Variants in ADAMTSL1 observed in about 807,000 individuals in gnomAD.
The protein encoded by ADAMTSL1 is ADAMTS like 1, also known as ADAMTS-like protein 1.
Under a neutral mutation model 201.8 loss-of-function variants are expected in ADAMTSL1, and 126 were observed. The observed-to-expected ratio is 0.62, with a 90% CI of 0.54 to 0.72. The LOEUF is 0.72. Ranked by LOEUF, ADAMTSL1 falls within the 30% of genes least tolerant of loss-of-function variation. ADAMTSL1 has a pLI of 0.00. For missense variants in ADAMTSL1, 2,679 were observed against 2,277.8 expected, an observed-to-expected ratio of 1.18 and a Z score of -3.59; for synonymous variants, 1,121 against 903.4, an observed-to-expected ratio of 1.24 and a Z score of -4.32.
intron 2 of ADAMTSL1, among the ~76,000 whole-genome samples, chr9:18,406,155 G>A (rs953210687): frequency 2.6e-5 from 4 of 152,252 alleles, no homozygotes; most frequent in African/African-American, 9.6e-5. Flanking sequence ...GGTCTACAGA[G>A]CAATCTAGTT....
chr9:18,857,647 T>C (rs114089000), intron 23 of ADAMTSL1, among the ~76,000 whole-genome samples: 1 of 152,206 alleles, frequency 6.6e-6, no homozygotes, highest in Non-Finnish European at 1.5e-5. Context: ...CCTTTTCCAT[T>C]GCAGAAGTTA....
chr9:17,940,236 T>C (rs1046254097), intron 1 of ADAMTSL1, among the ~76,000 whole-genome samples: 2 of 152,106 alleles, frequency 1.3e-5, no homozygotes, highest in Admixed American at 1.3e-4. Context: ...GTTTTTGAGA[T>C]TGTAACCTTT....
In ADAMTSL1 at chr9:18,847,328, G is replaced by T. The variant is rs568065837; in HGVS notation, c.4249+17351G>T. On this transcript the variant is annotated intron_variant, in intron 23 of 28. Coordinates refer to ENST00000380548, the MANE Select transcript of ADAMTSL1 (RefSeq NM_001040272.6). Reference sequence around the variant, plus strand: ...GATGAGGCAAAGTATTCCATGCACTGATACAACAGACACACTTACTGAGTT... The same window carrying T: ...GATGAGGCAAAGTATTCCATGCACTTATACAACAGACACACTTACTGAGTT... Among the ~76,000 whole-genome samples the T allele has an allele frequency of 9.6e-3, 1,463 of 152,272 alleles. 9 individuals are homozygous for T. Among genetic ancestry groups the T allele is most frequent in the Non-Finnish European group, 0.016 (1,098 of 68,034 alleles).
chr9:18,080,839 G>T (rs1823467157), intron 1 of ADAMTSL1, among the ~76,000 whole-genome samples: 1 of 152,146 alleles, frequency 6.6e-6, no homozygotes, highest in Admixed American at 6.5e-5. Context: ...AGACACAGAA[G>T]TGCCCATTTA....
intron 1 of ADAMTSL1, among the ~76,000 whole-genome samples, chr9:17,975,424 C>T (rs964904144): frequency 7.9e-5 from 12 of 152,008 alleles, no homozygotes; most frequent in Admixed American, 4.6e-4. Context: ...TCATAAATGT[C>T]ATCTTCTAGC....
Position 18,030,291 on chromosome 9 carries a change from G to A in ADAMTSL1, c.87+123369G>A, listed in dbSNP as rs995952586. The stretch of plus-strand genomic sequence containing the variant: ...AAACCATCATTCTCAGCAAACTATC[G>A]CAAGGACAAAAAACCAAACACCACA... On this transcript the variant is annotated intron_variant, in intron 1 of 29. Coordinates refer to the ADAMTSL1 transcript ENST00000680146. Among the ~76,000 whole-genome samples, 184 of 151,494 alleles carry A rather than the reference G, an allele frequency of 1.2e-3. 1 individual carries two copies. The highest frequency in any genetic ancestry group is 4.0e-3 in the African/African-American group (166 of 41,264).
At chr9:18,839,718 T>C (rs1825587744) in intron 23 of ADAMTSL1, among the ~76,000 whole-genome samples, 1 of 152,146 alleles carries the variant, frequency 6.6e-6, no homozygotes, top group South Asian at 2.1e-4. Flanking sequence ...TTTTTAATGA[T>C]TGCCATTACT....
intron 1 of ADAMTSL1, among the ~76,000 whole-genome samples, chr9:18,093,874 C>T (rs980321399): frequency 1.3e-5 from 2 of 152,026 alleles, no homozygotes; most frequent in Non-Finnish European, 2.9e-5. Flanking sequence ...ACAGGGCTCA[C>T]TAGTGAGAGA....
intron 2 of ADAMTSL1, among the ~76,000 whole-genome samples, chr9:18,173,637 C>A (rs144339340): frequency 2.0e-3 from 309 of 152,184 alleles, no homozygotes; most frequent in Admixed American, 5.6e-3. Context: ...GATTAATTAT[C>A]TAGAAGACAT....
chr9:18,263,280 T>A (rs572739848), intron 2 of ADAMTSL1, among the ~76,000 whole-genome samples: 9 of 152,322 alleles, frequency 5.9e-5, no homozygotes, highest in African/African-American at 1.9e-4. Flanking sequence ...TACTCTTCAG[T>A]GGAGGAGATC....
intron 23 of ADAMTSL1, among the ~76,000 whole-genome samples, chr9:18,845,395 T>C (rs969637819): frequency 6.6e-6 from 1 of 152,210 alleles, no homozygotes; most frequent in Admixed American, 6.5e-5. Context: ...ATGAAAGAAT[T>C]CATTGTGCCT....
At chr9:18,370,893 A>T (rs1837015709) in intron 2 of ADAMTSL1, among the ~76,000 whole-genome samples, 1 of 152,098 alleles carries the variant, frequency 6.6e-6, no homozygotes, top group Admixed American at 6.5e-5. Context: ...ATACAAATTG[A>T]GGGAAGTGTT....
At chr9:18,380,168 C>T (rs1206774334) in intron 2 of ADAMTSL1, among the ~76,000 whole-genome samples, 1 of 152,146 alleles carries the variant, frequency 6.6e-6, no homozygotes, top group African/African-American at 2.4e-5. Context: ...TCCACTTATG[C>T]ATTCCCTAAG....
intron 14 of ADAMTSL1, chr9:18,718,463 T>G: frequency 1.7e-6 from 1 of 601,002 alleles, no homozygotes; most frequent in East Asian, 4.3e-5. Context: ...TTGAACAAAT[T>G]GTACATTCAA....
At chr9:18,650,669 T>A (rs187961996) in intron 7 of ADAMTSL1, among the ~76,000 whole-genome samples, 1 of 152,356 alleles carries the variant, frequency 6.6e-6, no homozygotes. Context: ...TCTAAAATAA[T>A]GTTTTGGAAT....
At chr9:18,131,281 C>T (rs1400771612) in intron 1 of ADAMTSL1, among the ~76,000 whole-genome samples, 1 of 152,066 alleles carries the variant, frequency 6.6e-6, no homozygotes, top group Non-Finnish European at 1.5e-5. Flanking sequence ...CTTGGGGATT[C>T]TCTGAGAACA....
intron 1 of ADAMTSL1, among the ~76,000 whole-genome samples, chr9:17,971,938 A>G (rs1012395452): frequency 6.6e-6 from 1 of 151,726 alleles, no homozygotes; most frequent in Non-Finnish European, 1.5e-5. Flanking sequence ...TTTTTATTTT[A>G]AAGTTAAAAT....
chr9:18,512,524 A>C (rs985531389), intron 2 of ADAMTSL1, among the ~76,000 whole-genome samples: 1 of 152,154 alleles, frequency 6.6e-6, no homozygotes, highest in Non-Finnish European at 1.5e-5. Context: ...TCATTCAATA[A>C]ATATTTATTG....
At chr9:18,458,084 C>A (rs1266522624) in intron 2 of ADAMTSL1, among the ~76,000 whole-genome samples, 4 of 152,166 alleles carry the variant, frequency 2.6e-5, no homozygotes, top group Non-Finnish European at 5.9e-5. Context: ...TCCATTCATA[C>A]CCTACTCCTT....
Sources: gnomAD v4.1 joint callset for allele counts (sites outside exome capture counted in the v4.1 genomes callset) on GRCh38, gnomAD v4.1.1 for gene constraint, MANE v1.5 for transcripts, NCBI Gene and HGNC (gene_info 2026-07-23, HGNC 2026-07-21) for gene names.